HSDL1: variants seen among roughly 807,000 people sequenced by gnomAD.
HSDL1 encodes hydroxysteroid dehydrogenase like 1, also known as inactive hydroxysteroid dehydrogenase-like protein 1.
Under a neutral mutation model 31.5 loss-of-function variants are expected in HSDL1, and 29 were observed. That is an observed-to-expected ratio of 0.92 (90% CI 0.69 to 1.26). The LOEUF is 1.26. Ranked by LOEUF, HSDL1 falls within the 50% of genes most tolerant of loss-of-function variation. The pLI, the probability that HSDL1 is intolerant of heterozygous loss-of-function variation, is 0.00. For missense variants in HSDL1, 503 were observed against 416.6 expected (o/e 1.21, Z -1.81); for synonymous variants, 222 against 155.2 (o/e 1.43, Z -3.20).
At chr16:84,137,211 G>C (rs1266720167) in intron 1 of HSDL1, among the ~76,000 whole-genome samples, 4 of 152,248 alleles carry the variant, frequency 2.6e-5, no homozygotes, top group African/African-American at 4.8e-5. Flanking sequence ...GGGTCTTGAA[G>C]TGTGAGCAGA....
At chr16:84,135,249 A>G (rs923858329) in intron 2 of HSDL1, among the ~76,000 whole-genome samples, 6 of 151,388 alleles carry the variant, frequency 4.0e-5, no homozygotes, top group African/African-American at 1.5e-4. Context: ...GAAAAAAGAA[A>G]AAAAAAAAAA....
At chr16:84,135,210 A>G (rs949380246) in intron 2 of HSDL1, among the ~76,000 whole-genome samples, 2 of 151,796 alleles carry the variant, frequency 1.3e-5, no homozygotes, top group South Asian at 2.1e-4. Flanking sequence ...TCCAGCCTGG[A>G]CGACAGAGGG....
At chr16:84,132,028 G>C (rs1184366824) in intron 2 of HSDL1, among the ~76,000 whole-genome samples, 1 of 152,144 alleles carries the variant, frequency 6.6e-6, no homozygotes, top group African/African-American at 2.4e-5. Flanking sequence ...AGCTTATAAA[G>C]TTACTTTCTT....
At chr16:84,142,099 T>C (rs570860392) in intron 1 of HSDL1, among the ~76,000 whole-genome samples, 1 of 152,272 alleles carries the variant, frequency 6.6e-6, no homozygotes, top group East Asian at 1.9e-4. Flanking sequence ...GTTAAATTTT[T>C]TTTGTGTGTG....
rs768689554 is a variant in HSDL1 at position 84,131,256 on chromosome 16, C to T, written c.66G>A (p.Met22Ile). Reference protein sequence around the residue: ...REIARSCNCYMEALALVGAWY... With the variant: ...REIARSCNCYIEALALVGAWY... ...AGGCTCCAACCAAAGCTAGAGCTTCCATATAGCAATTGCAAGACCTGGCGA... is the reference window on the plus strand; with the variant it reads ...AGGCTCCAACCAAAGCTAGAGCTTCTATATAGCAATTGCAAGACCTGGCGA... The change falls in exon 3 of 6, where the codon ATG becomes ATA. Residue 22 changes from methionine to isoleucine, a missense_variant. Transcript: ENST00000219439. The T allele has an allele frequency of 6.2e-7, 1 of 1,614,150 alleles. No individual in the cohort carries two copies. The highest frequency in any genetic ancestry group is 1.7e-5 in the Admixed American group (1 of 60,012).
At chr16:84,125,949 A>G (rs1409196447) in intron 5 of HSDL1, among the ~76,000 whole-genome samples, 1 of 152,078 alleles carries the variant, frequency 6.6e-6, no homozygotes, top group African/African-American at 2.4e-5. Context: ...TAAAAATACA[A>G]AAAATTAGCC....
At chr16:84,131,483 G>GTCTATCTATCTA (rs36192181) in intron 2 of HSDL1, among the ~76,000 whole-genome samples, 156 bp from the exon 3 acceptor site, 560 of 144,236 alleles carry the variant, frequency 3.9e-3, no homozygotes, top group African/African-American at 5.6e-3. Flanking sequence ...CACAGTTTCA[G>GTCTATCTATCTA]TCTATCTATC....
Position 84,129,586 on chromosome 16 carries a change from A to G in HSDL1, c.856T>C (p.Ser286Pro). Reference sequence around the variant, plus strand: ...GACCAATATCCTGTGGTCCTTTTGGAAATCCCAAGAGTAGAAACAGCATGA... The same window carrying G: ...GACCAATATCCTGTGGTCCTTTTGGGAATCCCAAGAGTAGAAACAGCATGA... The part of the protein sequence containing the change: ...AHHAVSTLGI[S>P]KRTTGYWSHS... The change falls in exon 5 of 6, where the codon TCC becomes CCC. Residue 286 changes from serine (S) to proline (P), a missense_variant. By Grantham distance (74) the Ser-to-Pro change is moderately conservative (BLOSUM62 -1). Coordinates refer to ENST00000219439, the MANE Select transcript of HSDL1 (RefSeq NM_031463.5). The G allele has an allele frequency of 6.2e-7, 1 of 1,614,180 alleles. No individual in the cohort carries two copies. Among genetic ancestry groups the G allele is most frequent in the Non-Finnish European group, 8.5e-7 (1 of 1,180,028 alleles).
At chr16:84,142,581 G>A (rs564991653) in intron 1 of HSDL1, among the ~76,000 whole-genome samples, 13 of 151,902 alleles carry the variant, frequency 8.6e-5, no homozygotes, top group East Asian at 5.8e-4. Context: ...GACTACAGGC[G>A]TGTGCCACCA....
At chr16:84,143,399 G>A (rs2086788624) in intron 1 of HSDL1, among the ~76,000 whole-genome samples, 1 of 152,142 alleles carries the variant, frequency 6.6e-6, no homozygotes, top group South Asian at 2.1e-4. Context: ...TCCAGCATAA[G>A]CAAATCCATA....
At chr16:84,131,532 T>TCTAC (rs770760708) in intron 2 of HSDL1, among the ~76,000 whole-genome samples, 15 of 148,984 alleles carry the variant, frequency 1.0e-4, no homozygotes, top group African/African-American at 3.7e-4. Context: ...TATCTATCTA[T>TCTAC]CAGACAGAGT....
At chr16:84,141,221 C>A (rs1354691392) in intron 1 of HSDL1, among the ~76,000 whole-genome samples, 1 of 108,770 alleles carries the variant, frequency 9.2e-6, no homozygotes, top group African/African-American at 5.4e-5. Flanking sequence ...ATCCATGCCC[C>A]TGCAGCTATA....
chr16:84,124,903 AC>A (rs2086588607), intron 5 of HSDL1, 175 bp from the exon 6 acceptor site: 1 of 461,454 alleles, frequency 2.2e-6, no homozygotes, highest in African/African-American at 2.1e-5. Context: ...ACAAATACCC[AC>A]CAATCACAAC....
At chr16:84,134,372 C>T (rs992010746) in intron 2 of HSDL1, among the ~76,000 whole-genome samples, 5 of 152,128 alleles carry the variant, frequency 3.3e-5, no homozygotes, top group Non-Finnish European at 7.4e-5. Context: ...CCTGTAATCC[C>T]AGCACTTTGG....
At chr16:84,144,669 G>A (rs1035627223) in intron 1 of HSDL1, among the ~76,000 whole-genome samples, 1 of 152,132 alleles carries the variant, frequency 6.6e-6, no homozygotes, top group African/African-American at 2.4e-5. Context: ...CCGCTCGGGG[G>A]AGGAGCCGGG....
chr16:84,138,854 C>G (rs1003229488), intron 1 of HSDL1, among the ~76,000 whole-genome samples: 1 of 152,176 alleles, frequency 6.6e-6, no homozygotes, highest in Non-Finnish European at 1.5e-5. Flanking sequence ...GTCAAAACTG[C>G]AAGTAGCAAA....
At position 84,130,268 on chromosome 16, in the gene HSDL1, G is replaced by A. The variant is rs150784695; in HGVS notation, c.384C>T (p.Ser128=). ...GAATTGGAAGGTAGATCTCACGACCGCTGCTGAAGTCCGCAACTATAATAT... is the reference window on the plus strand; with the variant it reads ...GAATTGGAAGGTAGATCTCACGACCACTGCTGAAGTCCGCAACTATAATAT... ...ETDIIVADFS[S]GREIYLPIRE... is the part of the protein sequence containing the mutation. The change falls in exon 4 of 6, where the codon AGC becomes AGT. Residue 128 remains serine, a synonymous_variant. Coordinates refer to ENST00000219439, the MANE Select transcript of HSDL1 (RefSeq NM_031463.5). 23 of 1,614,200 alleles carry A rather than the reference G, an allele frequency of 1.4e-5. No individual in the cohort carries two copies. Among genetic ancestry groups the A allele is most frequent in the South Asian group, 1.2e-4 (11 of 91,082 alleles).
intron 4 of HSDL1, 98 bp from the exon 5 acceptor site, chr16:84,129,873 A>T: frequency 7.1e-7 from 1 of 1,402,506 alleles, no homozygotes; most frequent in African/African-American, 1.4e-5. Context: ...AGGAAAAAAT[A>T]CAGGATAAGC....
At chr16:84,138,781 G>A (rs1338135058) in intron 1 of HSDL1, among the ~76,000 whole-genome samples, 2 of 152,138 alleles carry the variant, frequency 1.3e-5, no homozygotes, top group Non-Finnish European at 2.9e-5. Context: ...CTTCTACAGG[G>A]CAGGAGTCAT....
Sources: gnomAD v4.1 joint callset for allele counts (sites outside exome capture counted in the v4.1 genomes callset) on GRCh38, gnomAD v4.1.1 for gene constraint, MANE v1.5 for transcripts, NCBI Gene and HGNC (gene_info 2026-07-23, HGNC 2026-07-21) for gene names.